The following CD2 variants were observed in gnomAD, a reference collection of about 807,000 sequenced individuals.
The protein encoded by CD2 is CD2 molecule, also known as T-cell surface antigen CD2.
Under a neutral mutation model 23.2 loss-of-function variants are expected in CD2, and 18 were observed. The ratio of observed to expected loss-of-function variants is 0.77; its 90% CI spans 0.54 to 1.15. The LOEUF is 1.15. Ranked by LOEUF, CD2 falls within the 50% of genes most tolerant of loss-of-function variation. The pLI, the probability that CD2 is intolerant of heterozygous loss-of-function variation, is 0.00. For missense variants in CD2, 424 were observed against 423.1 expected (o/e 1.00, Z -0.02); for synonymous variants, 162 against 151.9 (o/e 1.07, Z -0.49).
Position 116,764,618 on chromosome 1 carries a change from C to A in CD2, c.736+12C>A, listed in dbSNP as rs367590649. ...GAGTCGGAGAAATGGTAAGCTCCCC[C>A]TCTTTTGTCCCACCGCAGGCCCCAG... On this transcript the variant is annotated intron_variant, in intron 4 of 4. Coordinates refer to ENST00000369478, the MANE Select transcript of CD2 (RefSeq NM_001767.5). The A allele has an allele frequency of 2.5e-6, 4 of 1,610,502 alleles. No individual in the cohort carries two copies. Among genetic ancestry groups the A allele is most frequent in the South Asian group, 2.2e-5 (2 of 90,960 alleles).
In CD2 at chr1:116,759,584, C is replaced by T. The variant is rs180690124; in HGVS notation, c.383-818C>T. 3.5e-3 allele frequency among the ~76,000 whole-genome samples: 528 copies of T among 152,250 alleles called. 1 individual carries two copies. The highest frequency in any genetic ancestry group is 6.5e-3 in the Non-Finnish European group (442 of 68,026). On this transcript the variant is annotated intron_variant, in intron 2 of 4. Transcript: ENST00000369478. ...GGAGAGGCAAGAGGTTTGTGATTAT[C>T]GAATGCATGAATTACCACTAATAAT...
intron 2 of CD2, among the ~76,000 whole-genome samples, chr1:116,756,529 G>A (rs1470710009): frequency 1.3e-5 from 2 of 151,998 alleles, no homozygotes; most frequent in Admixed American, 1.3e-4. Context: ...AGCAAAGTCA[G>A]GATTCAAACT....
intron 2 of CD2, among the ~76,000 whole-genome samples, chr1:116,756,299 G>A (rs909100440): frequency 3.9e-5 from 6 of 152,210 alleles, no homozygotes; most frequent in Admixed American, 3.3e-4. Context: ...TTGAGTGTGA[G>A]CCCTACGCGG....
chr1:116,755,294 C>T (rs769754725), intron 2 of CD2, among the ~76,000 whole-genome samples: 26 of 152,086 alleles, frequency 1.7e-4, no homozygotes, highest in Non-Finnish European at 3.1e-4. Context: ...GATGAATCGG[C>T]GAGCTAAGAG....
intron 3 of CD2, among the ~76,000 whole-genome samples, chr1:116,762,520 A>G (rs1175508191): frequency 6.6e-6 from 1 of 152,174 alleles, no homozygotes; most frequent in Non-Finnish European, 1.5e-5. Context: ...GAAGACCCGA[A>G]AAGGGATTTG....
chr1:116,768,851 G>C lies in CD2; in HGVS notation c.*68G>C. 1.4e-6 allele frequency: 2 copies of C among 1,434,106 alleles called. No individual in the cohort carries two copies. Among genetic ancestry groups the C allele is most frequent in the Non-Finnish European group, 1.9e-6 (2 of 1,049,276 alleles). 88.8% of individuals were successfully genotyped at this position (1,434,106 alleles called of 1,614,324 possible). A position where few individuals can be genotyped will look rare whatever the true frequency, so the allele number is the denominator to read the frequency against. ...TTCTGCCCTCCTGATGTGCATATCC[G>C]TACTTCCATGAGGTGTTTTCTGTGT... On this transcript the variant is annotated 3_prime_UTR_variant, in exon 5 of 5. Transcript: ENST00000369478.
intron 3 of CD2, among the ~76,000 whole-genome samples, chr1:116,761,281 T>C (rs1039211213): frequency 6.6e-6 from 1 of 152,206 alleles, no homozygotes; most frequent in African/African-American, 2.4e-5. Context: ...CCTTCTATAG[T>C]GCCCAAGCTC....
rs1240658786 is a variant in CD2, at chr1:116,755,139, T to G, written c.382+188T>G. The G allele has an allele frequency of 1.3e-5, 8 of 600,934 alleles. No homozygotes were observed. In the South Asian group the frequency reaches 1.8e-4, roughly 13 times the overall value. 37.2% of individuals were successfully genotyped at this position (600,934 alleles called of 1,614,324 possible). On this transcript the variant is annotated intron_variant, in intron 2 of 4. Transcript: ENST00000369478. ...GCGGGAATGGGATCCACACATCTGA[T>G]AGACCCTCAAGTCTACCTGCCTACA...
In CD2 at chr1:116,754,852, A is replaced by G; in HGVS notation, c.283A>G (p.Lys95Glu). The G allele has an allele frequency of 1.9e-6, 3 of 1,612,358 alleles. No homozygotes were observed. Among genetic ancestry groups the G allele is most frequent in the Non-Finnish European group, 2.5e-6 (3 of 1,178,432 alleles). The part of the protein sequence containing the change: ...KLFKNGTLKI[K>E]HLKTDDQDIY... Reference sequence around the variant, plus strand: ...ATTTAAAAATGGAACTCTGAAAATTAAGCATCTGAAGACCGATGATCAGGA... The same window carrying G: ...ATTTAAAAATGGAACTCTGAAAATTGAGCATCTGAAGACCGATGATCAGGA... The change falls in exon 2 of 5, where the codon AAG becomes GAG. Residue 95 changes from lysine (K) to glutamate (E), a missense_variant. Coordinates refer to ENST00000369478, the MANE Select transcript of CD2 (RefSeq NM_001767.5).
In CD2 at chr1:116,754,562, A is replaced by T. The variant is rs773106729; in HGVS notation, c.61+9A>T. On this transcript the variant is annotated intron_variant, in intron 1 of 4. Transcript: ENST00000369478. ...CAATGTTTCTTCCAAAGGTAAGCAT[A>T]AGAGTCAAAGAAGTCCCAACCCAGC... 1.2e-6 allele frequency: 2 copies of T among 1,612,342 alleles called. No homozygotes were observed. Among genetic ancestry groups the T allele is most frequent in the Non-Finnish European group, 1.7e-6 (2 of 1,179,504 alleles).
chr1:116,756,879 A>T (rs1322598733), intron 2 of CD2, among the ~76,000 whole-genome samples: 1 of 152,142 alleles, frequency 6.6e-6, no homozygotes, highest in South Asian at 2.1e-4. Context: ...GACAACTTCA[A>T]GGGATATTCA....
At chr1:116,764,808 T>C (rs1652165841) in intron 4 of CD2, 3 of 565,894 alleles carry the variant, frequency 5.3e-6, no homozygotes, top group East Asian at 3.0e-5. Context: ...GGTGACAATG[T>C]GGGAGCTTTG....
At chr1:116,759,847 T>C (rs1005269959) in intron 2 of CD2, among the ~76,000 whole-genome samples, 58 of 152,296 alleles carry the variant, frequency 3.8e-4, no homozygotes, top group African/African-American at 2.2e-4. Context: ...TATACCCACC[T>C]GGCCCACTGC....
At chr1:116,759,817 T>A (rs1008245961) in intron 2 of CD2, among the ~76,000 whole-genome samples, 3 of 152,158 alleles carry the variant, frequency 2.0e-5, no homozygotes, top group African/African-American at 7.2e-5. Context: ...TTGAGCTCCT[T>A]GGACACCCAC....
At chr1:116,761,085 C>T (rs1164096473) in intron 3 of CD2, among the ~76,000 whole-genome samples, 7 of 152,084 alleles carry the variant, frequency 4.6e-5, no homozygotes, top group Non-Finnish European at 4.4e-5. Context: ...CCCTGGGGGG[C>T]AGGGTCATGG....
At chr1:116,761,087 G>A (rs946676807) in intron 3 of CD2, among the ~76,000 whole-genome samples, 1 of 152,176 alleles carries the variant, frequency 6.6e-6, no homozygotes, top group Non-Finnish European at 1.5e-5. Flanking sequence ...CTGGGGGGCA[G>A]GGTCATGGGG....
chr1:116,756,304 ACG>A (rs1485449432), intron 2 of CD2, among the ~76,000 whole-genome samples: 2 of 152,182 alleles, frequency 1.3e-5, no homozygotes, highest in African/African-American at 2.4e-5. Flanking sequence ...TGTGAGCCCT[ACG>A]CGGGGGACCA....
intron 2 of CD2, among the ~76,000 whole-genome samples, chr1:116,759,228 TTTTAA>T (rs1282010535): frequency 2.0e-5 from 3 of 152,208 alleles, no homozygotes; most frequent in Non-Finnish European, 4.4e-5. Context: ...AGAAGAAAAC[TTTTAA>T]TTTAATTTCT....
intron 3 of CD2, among the ~76,000 whole-genome samples, chr1:116,762,829 C>A (rs1366052524): frequency 6.6e-6 from 1 of 152,198 alleles, no homozygotes; most frequent in African/African-American, 2.4e-5. Flanking sequence ...CCAGGTGCCC[C>A]AGGGCACCAC....
Sources: gnomAD v4.1 joint callset for allele counts (sites outside exome capture counted in the v4.1 genomes callset) on GRCh38, gnomAD v4.1.1 for gene constraint, MANE v1.5 for transcripts, NCBI Gene and HGNC (gene_info 2026-07-23, HGNC 2026-07-21) for gene names.